ITGA4: variants seen among roughly 807,000 people sequenced by gnomAD.
ITGA4 encodes integrin subunit alpha 4, also known as integrin alpha-4.
A neutral mutation model predicts 133.6 loss-of-function variants in ITGA4; 63 were observed. The ratio of observed to expected loss-of-function variants is 0.47; its 90% CI spans 0.38 to 0.58. ITGA4 has a LOEUF of 0.58. ITGA4 is among the 20% of genes least tolerant of loss of function. The probability of loss-of-function intolerance (pLI) is 0.00; values close to 1 mark genes in which losing one functional copy is unlikely to be tolerated. For synonymous variants in ITGA4, 483 were observed against 438.0 expected (o/e 1.10, Z -1.28); for missense variants, 1,076 against 1,252.7 (o/e 0.86, Z 2.13).
At chr2:181,474,867 TAAC>T (rs1685637843) in intron 2 of ITGA4, 90 bp from the exon 3 acceptor site, 1 of 835,984 alleles carries the variant, frequency 1.2e-6, no homozygotes, top group Admixed American at 2.4e-5. Context: ...GAGAAGTAGT[TAAC>T]AGAAAAATAC....
chr2:181,475,977 A>G, intron 4 of ITGA4: 4 of 1,270,112 alleles, frequency 3.1e-6, no homozygotes, highest in South Asian at 4.2e-5. Context: ...ATAATTTTCT[A>G]ACCACCCTCA....
chr2:181,472,119 A>T (rs1685568355), intron 2 of ITGA4, among the ~76,000 whole-genome samples: 1 of 152,234 alleles, frequency 6.6e-6, no homozygotes, highest in Non-Finnish European at 1.5e-5. Flanking sequence ...CAGTGATGAC[A>T]TTGTGATGTT....
intron 15 of ITGA4, among the ~76,000 whole-genome samples, chr2:181,500,555 G>A (rs778767127): frequency 7.2e-5 from 11 of 152,194 alleles, no homozygotes; most frequent in Admixed American, 1.3e-4. Context: ...TCCATAAAAC[G>A]CATCTGGTAC....
chr2:181,535,353 C>A, intron 27 of ITGA4, 79 bp from the exon 28 acceptor site: 1 of 1,107,528 alleles, frequency 9.0e-7, no homozygotes, highest in South Asian at 2.0e-5. Flanking sequence ...GTGTTAACTG[C>A]TTAGATATTA....
rs772834562 is a variant in ITGA4, at chr2:181,458,301, C to T, written c.303C>T (p.Cys101=). The change falls in exon 2 of 28, where the codon TGC becomes TGT. Residue 101 remains cysteine (C), a synonymous_variant. Coordinates refer to ENST00000397033, the MANE Select transcript of ITGA4 (RefSeq NM_000885.6). ...CRIGKNPGQT[C]EQLQLGSPNG... ...TCGGAAAGAATCCCGGCCAGACGTGCGAACAGCTCCAGCTGGGTGAGTTGG... is the reference window on the plus strand; with the variant it reads ...TCGGAAAGAATCCCGGCCAGACGTGTGAACAGCTCCAGCTGGGTGAGTTGG... The T allele has an allele frequency of 1.4e-5, 23 of 1,611,738 alleles. No individual in the cohort carries two copies. The Admixed American group carries it at 3.3e-4, about 23-fold the overall frequency.
intron 17 of ITGA4, among the ~76,000 whole-genome samples, chr2:181,519,321 C>T (rs1278714270): frequency 1.3e-5 from 2 of 151,910 alleles, no homozygotes; most frequent in African/African-American, 4.8e-5. Context: ...AAGAAAAAGC[C>T]CCAGAGGGTT....
Position 181,493,197 on chromosome 2 carries a change from G to A in ITGA4, c.1154-128G>A, listed in dbSNP as rs550649574. ...TAGTATTTTATTTTTTTCTGTCTGA[G>A]AAGACTGTTATTTTTCATAAAAGAG... On this transcript the variant is annotated intron_variant, in intron 10 of 27. Transcript: ENST00000397033. 85 of 614,592 alleles carry A rather than the reference G, an allele frequency of 1.4e-4. 1 individual carries two copies. In the African/African-American group the frequency reaches 1.5e-3, roughly 11 times the overall value. The allele number at this position is 614,592 out of a possible 1,614,324, so 38.1% of individuals were successfully genotyped here.
chr2:181,515,675 A>T (rs1686590107), intron 17 of ITGA4, among the ~76,000 whole-genome samples: 1 of 152,102 alleles, frequency 6.6e-6, no homozygotes, highest in South Asian at 2.1e-4. Flanking sequence ...GAACTTTCAA[A>T]TGAGAGCCCT....
chr2:181,528,752 A>G (rs765535116), intron 22 of ITGA4, among the ~76,000 whole-genome samples: 9 of 152,212 alleles, frequency 5.9e-5, no homozygotes, highest in East Asian at 1.9e-4. Flanking sequence ...TCTGCAAGTC[A>G]TCTTTTTTAA....
intron 17 of ITGA4, among the ~76,000 whole-genome samples, chr2:181,521,773 C>T (rs999186690): frequency 1.3e-5 from 2 of 152,160 alleles, no homozygotes; most frequent in Non-Finnish European, 1.5e-5. Flanking sequence ...CTACCAGTTC[C>T]TTCCATTTTC....
chr2:181,457,633 G>T lies in ITGA4; in HGVS notation c.-22G>T. The T allele has an allele frequency of 1.2e-6, 2 of 1,601,486 alleles. No homozygotes were observed. On this transcript the variant is annotated 5_prime_UTR_variant, in exon 1 of 28. Transcript: ENST00000397033. ...TTTGGGGTAGTGGCCGTTTAGTGTT[G>T]AATGTTCCCCACCGAGAGCGCATGG...
chr2:181,513,264 C>T (rs1211748067), intron 17 of ITGA4, among the ~76,000 whole-genome samples: 1 of 152,014 alleles, frequency 6.6e-6, no homozygotes, highest in Non-Finnish European at 1.5e-5. Context: ...AAACCAGTGT[C>T]TCTTGAGTTT....
At chr2:181,526,876 T>A (rs1686843320) in intron 21 of ITGA4, among the ~76,000 whole-genome samples, 1 of 135,684 alleles carries the variant, frequency 7.4e-6, no homozygotes, top group African/African-American at 2.7e-5. Context: ...CTATTGCCCA[T>A]GCTGGAGGGC....
rs1574422103 is a variant in ITGA4 at position 181,537,415 on chromosome 2, T to C, written c.*1888T>C. On this transcript the variant is annotated 3_prime_UTR_variant, in exon 28 of 28. Transcript: ENST00000397033. ...TTTGCCCAGTTCAAAATAGTATTTGTTATCAACTTACTTTGTTACTTGTAT... is the reference window on the plus strand; with the variant it reads ...TTTGCCCAGTTCAAAATAGTATTTGCTATCAACTTACTTTGTTACTTGTAT... The C allele has an allele frequency of 2.2e-6, 1 of 453,894 alleles. No homozygotes were observed. Among genetic ancestry groups the C allele is most frequent in the African/African-American group, 2.0e-5 (1 of 50,000 alleles). The allele number at this position is 453,894 out of a possible 1,614,324, so 28.1% of individuals were successfully genotyped here.
chr2:181,534,201 G>A, intron 25 of ITGA4, 71 bp from the exon 26 acceptor site: 1 of 941,538 alleles, frequency 1.1e-6, no homozygotes, highest in South Asian at 1.5e-5. Context: ...CTAGCTAGAA[G>A]GTAAAGATCC....
chr2:181,528,703 C>A (rs929305666), intron 22 of ITGA4, among the ~76,000 whole-genome samples: 1 of 152,182 alleles, frequency 6.6e-6, no homozygotes, highest in Non-Finnish European at 1.5e-5. Context: ...GAGACACTTT[C>A]TTCATCTATG....
At chr2:181,533,746 A>G (rs4479393) in intron 25 of ITGA4, among the ~76,000 whole-genome samples, 14,975 of 152,168 alleles carry the variant, frequency 0.098, 1,010 homozygotes, top group East Asian at 0.22. Flanking sequence ...ATCTGACTAA[A>G]TATATTCTCA....
At chr2:181,530,925 G>A (rs866743459) in intron 24 of ITGA4, among the ~76,000 whole-genome samples, 3 of 151,956 alleles carry the variant, frequency 2.0e-5, no homozygotes, top group African/African-American at 4.8e-5. Flanking sequence ...TCAGGAGTTC[G>A]AGACCAGCCT....
chr2:181,481,519 A>G, intron 6 of ITGA4, 79 bp from the exon 7 acceptor site: 1 of 603,950 alleles, frequency 1.7e-6, no homozygotes, highest in Non-Finnish European at 2.9e-6. Context: ...GTATCATTTA[A>G]TTTTATGATC....
Sources: allele counts gnomAD v4.1 joint callset (sites outside exome capture counted in the v4.1 genomes callset), GRCh38; gene constraint gnomAD v4.1.1; transcripts MANE v1.5; gene names NCBI Gene and HGNC (gene_info 2026-07-23, HGNC 2026-07-21).